TLE4: variants seen among roughly 807,000 people sequenced by gnomAD.
TLE4 encodes the protein transducin-like enhancer protein 4.
In TLE4, 8 loss-of-function variants were observed where a neutral mutation model predicts 92.8. That is an observed-to-expected ratio of 0.09 (90% CI 0.05 to 0.16). The LOEUF (loss-of-function observed/expected upper bound fraction) is 0.16. Ranked by LOEUF, TLE4 falls within the 10% of genes least tolerant of loss-of-function variation. The pLI is 1.00. For missense variants in TLE4, 675 were observed against 997.6 expected (o/e 0.68, Z 4.36); for synonymous variants, 371 against 374.1 (o/e 0.99, Z 0.10).
intron 4 of TLE4, among the ~76,000 whole-genome samples, chr9:79,594,120 T>G (rs978450440): frequency 6.6e-6 from 1 of 152,230 alleles, no homozygotes; most frequent in African/African-American, 2.4e-5. Context: ...GTGATTTTGA[T>G]GTACAGCAAG....
At chr9:79,706,647 G>A in intron 10 of TLE4, 100 bp from the exon 11 acceptor site, 2 of 1,418,958 alleles carry the variant, frequency 1.4e-6, no homozygotes, top group Non-Finnish European at 1.9e-6. Context: ...GTGCTTCTAA[G>A]CATGCATTAA....
chr9:79,583,768 G>A (rs1387315754), intron 4 of TLE4, among the ~76,000 whole-genome samples: 1 of 152,278 alleles, frequency 6.6e-6, no homozygotes, highest in East Asian at 1.9e-4. Context: ...AATAGTCATA[G>A]TAGAAATTAT....
At chr9:79,698,458 A>G (rs1364471432) in intron 8 of TLE4, among the ~76,000 whole-genome samples, 2 of 152,222 alleles carry the variant, frequency 1.3e-5, no homozygotes, top group Non-Finnish European at 2.9e-5. Flanking sequence ...GAATAGATTC[A>G]TTACTTTATA....
chr9:79,624,973 C>T (rs1167367244), intron 5 of TLE4, among the ~76,000 whole-genome samples: 2 of 148,684 alleles, frequency 1.3e-5, no homozygotes. Flanking sequence ...TCCTTTGTTT[C>T]AGTTCCGAAG....
intron 4 of TLE4, among the ~76,000 whole-genome samples, chr9:79,602,544 G>A (rs545977537): frequency 6.6e-6 from 1 of 152,272 alleles, no homozygotes; most frequent in East Asian, 1.9e-4. Flanking sequence ...CAAAGCCTGG[G>A]TGACAGCACA....
intron 8 of TLE4, among the ~76,000 whole-genome samples, chr9:79,668,190 C>G (rs537295331): frequency 2.6e-4 from 40 of 152,300 alleles, no homozygotes; most frequent in Admixed American, 5.2e-4. Context: ...GCAGCCCAGA[C>G]GAGCTGTGAG....
chr9:79,582,891 C>A (rs903404723), intron 4 of TLE4, among the ~76,000 whole-genome samples: 1 of 152,090 alleles, frequency 6.6e-6, no homozygotes, highest in Non-Finnish European at 1.5e-5. Flanking sequence ...AGCAGGGGGG[C>A]AGCACATTTA....
chr9:79,683,547 T>A (rs1191841989), intron 8 of TLE4, among the ~76,000 whole-genome samples: 3 of 152,232 alleles, frequency 2.0e-5, no homozygotes, highest in Admixed American at 6.5e-5. Context: ...AATATCAGTA[T>A]AATTTAGGAA....
At chr9:79,662,014 C>T (rs2060597369) in intron 8 of TLE4, among the ~76,000 whole-genome samples, 2 of 152,128 alleles carry the variant, frequency 1.3e-5, no homozygotes, top group Admixed American at 6.6e-5. Flanking sequence ...CACGTGCGGT[C>T]CACCTTTCTT....
At chr9:79,631,663 T>TGTGTGTGTGTGTGTGTGTGTG (rs1312981283) in intron 6 of TLE4, among the ~76,000 whole-genome samples, 1 of 148,780 alleles carries the variant, frequency 6.7e-6, no homozygotes, top group Non-Finnish European at 1.5e-5. Context: ...TGTGTGTGTG[T>TGTGTGTGTGTGTGTGTGTGTG]TTTCTACATT....
intron 8 of TLE4, among the ~76,000 whole-genome samples, chr9:79,682,546 G>A (rs530354805): frequency 5.9e-5 from 9 of 152,218 alleles, no homozygotes; most frequent in Admixed American, 2.0e-4. Context: ...AGGGGCCTGC[G>A]TTGTAGTAGT....
At chr9:79,620,899 A>AG (rs1371860101) in intron 5 of TLE4, among the ~76,000 whole-genome samples, 1 of 152,066 alleles carries the variant, frequency 6.6e-6, no homozygotes, top group African/African-American at 2.4e-5. Flanking sequence ...AGAGAGATTG[A>AG]GGGGGAGGTG....
intron 6 of TLE4, among the ~76,000 whole-genome samples, chr9:79,635,872 G>A (rs1411490972): frequency 6.6e-6 from 1 of 152,030 alleles, no homozygotes; most frequent in South Asian, 2.1e-4. Context: ...TTTATCATCA[G>A]TATACTAAAG....
At chr9:79,698,293 G>A (rs1286885567) in intron 8 of TLE4, among the ~76,000 whole-genome samples, 3 of 152,062 alleles carry the variant, frequency 2.0e-5, no homozygotes, top group African/African-American at 7.2e-5. Flanking sequence ...TCTGACTGTT[G>A]GTTCCTCTGG....
chr9:79,674,510 C>T (rs1241427763), intron 8 of TLE4, among the ~76,000 whole-genome samples: 1 of 152,210 alleles, frequency 6.6e-6, no homozygotes, highest in Non-Finnish European at 1.5e-5. Context: ...GGAGGAGCCC[C>T]AGCAAGGGGC....
At chr9:79,578,495 T>G (rs1410512524) in intron 4 of TLE4, among the ~76,000 whole-genome samples, 2 of 152,244 alleles carry the variant, frequency 1.3e-5, no homozygotes, top group African/African-American at 4.8e-5. Flanking sequence ...GTCATGGCTC[T>G]GTGACTTAGC....
chr9:79,608,829 T>G (rs2047693805), intron 4 of TLE4, among the ~76,000 whole-genome samples: 1 of 152,102 alleles, frequency 6.6e-6, no homozygotes, highest in Non-Finnish European at 1.5e-5. Context: ...AAAATAAAGC[T>G]ATTGGTACTT....
At chr9:79,592,092 T>TTTC (rs557969723) in intron 4 of TLE4, among the ~76,000 whole-genome samples, 161 of 151,156 alleles carry the variant, frequency 1.1e-3, no homozygotes, top group African/African-American at 2.8e-3. Context: ...TGGAAGAGAG[T>TTTC]TTCTTCTTCT....
chr9:79,666,485 C>T (rs950061443), intron 8 of TLE4, among the ~76,000 whole-genome samples: 1 of 152,130 alleles, frequency 6.6e-6, no homozygotes, highest in African/African-American at 2.4e-5. Context: ...GCGATCCACC[C>T]ACCTCAGCCT....
Sources: gnomAD v4.1 joint callset for allele counts (sites outside exome capture counted in the v4.1 genomes callset) on GRCh38, gnomAD v4.1.1 for gene constraint, MANE v1.5 for transcripts, NCBI Gene and HGNC (gene_info 2026-07-23, HGNC 2026-07-21) for gene names.